The following RAB27A variants were observed in gnomAD, a reference collection of about 807,000 sequenced individuals.
RAB27A encodes ras-related protein Rab-27A.
Under a neutral mutation model 20.8 loss-of-function variants are expected in RAB27A, and 17 were observed. The observed-to-expected ratio is 0.82, with a 90% CI of 0.56 to 1.23. The LOEUF (loss-of-function observed/expected upper bound fraction) is 1.23. Ranked by LOEUF, RAB27A falls within the 50% of genes most tolerant of loss-of-function variation. The pLI, the probability that RAB27A is intolerant of heterozygous loss-of-function variation, is 0.00. For synonymous variants in RAB27A, 85 were observed against 92.8 expected, an observed-to-expected ratio of 0.92 and a Z score of 0.48; for missense variants, 277 against 266.7, an observed-to-expected ratio of 1.04 and a Z score of -0.27.
chr15:55,222,311 G>A (rs1170015510), intron 6 of RAB27A, among the ~76,000 whole-genome samples: 1 of 152,016 alleles, frequency 6.6e-6, no homozygotes, highest in Admixed American at 6.6e-5. Flanking sequence ...TCCTTCAGCT[G>A]AGCTAGCCTT....
At position 55,203,767 on chromosome 15, in the gene RAB27A, C is replaced by T. The variant is rs1882466630; in HGVS notation, c.*1740G>A. 6.6e-6 allele frequency: 1 copy of T among 151,858 alleles called. No individual in the cohort carries two copies. Among genetic ancestry groups the T allele is most frequent in the African/African-American group, 2.4e-5 (1 of 41,332 alleles). The allele number at this position is 151,858 out of a possible 1,614,324, so 9.4% of individuals were successfully genotyped here. On this transcript the variant is annotated 3_prime_UTR_variant, in exon 7 of 7. Coordinates refer to ENST00000336787, the MANE Select transcript of RAB27A (RefSeq NM_183235.3). ...TAAATCTTTTCCTCACTAGCATATA[C>T]AATTCAAATGCACAGGCCTCCATGA...
intron 5 of RAB27A, among the ~76,000 whole-genome samples, chr15:55,225,112 A>G (rs2140962168): frequency 6.6e-6 from 1 of 152,292 alleles, no homozygotes; most frequent in Non-Finnish European, 1.5e-5. Context: ...TTCCCACATC[A>G]CTGAATACTT....
intron 6 of RAB27A, among the ~76,000 whole-genome samples, chr15:55,218,742 C>CTT (rs565996048): frequency 0.12 from 16,490 of 135,774 alleles, 1,236 homozygotes; most frequent in Admixed American, 0.2. Context: ...AGTTCACATT[C>CTT]TTTTTTTTTT....
At chr15:55,212,488 A>C (rs115205558) in intron 6 of RAB27A, among the ~76,000 whole-genome samples, 1,775 of 152,032 alleles carry the variant, frequency 0.012, 39 homozygotes, top group African/African-American at 0.041. Flanking sequence ...ACACTTGAAG[A>C]CATTCTGAAT....
At chr15:55,282,148 T>C (rs1471600221) in intron 1 of RAB27A, among the ~76,000 whole-genome samples, 1 of 152,246 alleles carries the variant, frequency 6.6e-6, no homozygotes, top group African/African-American at 2.4e-5. Flanking sequence ...GAAGAGACTC[T>C]GGGTGTTAGC....
intron 2 of RAB27A, among the ~76,000 whole-genome samples, chr15:55,312,881 C>G (rs919091802): frequency 2.0e-5 from 3 of 152,116 alleles, no homozygotes; most frequent in African/African-American, 7.2e-5. Flanking sequence ...TGCTCTAAGA[C>G]AAAATATGAG....
At chr15:55,274,794 T>TTATA (rs371945954) in intron 1 of RAB27A, among the ~76,000 whole-genome samples, 1,223 of 52,104 alleles carry the variant, frequency 0.023, 72 homozygotes, top group African/African-American at 0.059. Context: ...AATAAATAAA[T>TTATA]TATATATATA....
In RAB27A at chr15:55,205,678, G is replaced by A; in HGVS notation, c.495C>T (p.Ala165=). ...TTGCTTGGCTTATGTTTGTCCCATT[G>A]GCAGCACTAGTTTCAAAGTAGGGGA... The part of the protein sequence containing the change: ...YGIPYFETSA[A]NGTNISQAIE... Residue 165 remains alanine (A), a synonymous_variant, in exon 7 of 7, where the codon GCC becomes GCT. Transcript: ENST00000336787. The A allele has an allele frequency of 6.2e-7, 1 of 1,613,966 alleles. No individual in the cohort carries two copies. Among genetic ancestry groups the A allele is most frequent in the East Asian group, 2.2e-5 (1 of 44,868 alleles).
At chr15:55,226,805 T>G (rs1306564049) in intron 5 of RAB27A, among the ~76,000 whole-genome samples, 1 of 150,028 alleles carries the variant, frequency 6.7e-6, no homozygotes, top group Non-Finnish European at 1.5e-5. Flanking sequence ...GAGGCAGAGG[T>G]TGCAGTGAGC....
intron 3 of RAB27A, among the ~76,000 whole-genome samples, 189 bp from the exon 4 acceptor site, chr15:55,230,675 T>C (rs534188817): frequency 2.0e-5 from 3 of 152,194 alleles, no homozygotes; most frequent in South Asian, 4.1e-4. Flanking sequence ...TATTGAAATA[T>C]ATACATATAT....
intron 2 of RAB27A, among the ~76,000 whole-genome samples, chr15:55,235,688 T>C (rs189237136): frequency 5.9e-5 from 9 of 152,046 alleles, no homozygotes; most frequent in Admixed American, 4.6e-4. Context: ...TTTTTCAAAG[T>C]CTCCTAGTGC....
At chr15:55,291,497 C>G (rs535440137), upstream of RAB27A, among the ~76,000 whole-genome samples, 9 of 123,578 alleles carry the variant, frequency 7.3e-5, no homozygotes, top group African/African-American at 2.9e-4. Flanking sequence ...GGCGACCGAG[C>G]GAGACTCTGT....
At chr15:55,263,305 T>G (rs1276378624) in intron 2 of RAB27A, among the ~76,000 whole-genome samples, 1 of 152,154 alleles carries the variant, frequency 6.6e-6, no homozygotes, top group East Asian at 1.9e-4. Flanking sequence ...GCCAGGTCCT[T>G]GAGGTGACCT....
intron 2 of RAB27A, among the ~76,000 whole-genome samples, chr15:55,296,928 C>A (rs2054951851): frequency 6.6e-6 from 1 of 152,060 alleles, no homozygotes; most frequent in African/African-American, 2.4e-5. Context: ...GGGCCCATAT[C>A]CCAGGGCACT....
intron 2 of RAB27A, among the ~76,000 whole-genome samples, chr15:55,304,992 G>A (rs1231689798): frequency 6.6e-6 from 1 of 152,188 alleles, no homozygotes; most frequent in African/African-American, 2.4e-5. Context: ...CCCAATCATT[G>A]TCCTTCCCAC....
At chr15:55,257,224 T>C (rs970357294) in intron 2 of RAB27A, among the ~76,000 whole-genome samples, 10 of 152,126 alleles carry the variant, frequency 6.6e-5, no homozygotes, top group Non-Finnish European at 4.4e-5. Flanking sequence ...TGAGATTGGA[T>C]CGGGGCAGGT....
chr15:55,235,914 G>GA (rs1177349970), intron 2 of RAB27A, among the ~76,000 whole-genome samples: 7 of 152,146 alleles, frequency 4.6e-5, no homozygotes, highest in African/African-American at 1.7e-4. Context: ...GTCAGGAATG[G>GA]AAAACCAAAC....
chr15:55,256,240 T>C (rs1254730882), intron 2 of RAB27A, among the ~76,000 whole-genome samples: 4 of 151,800 alleles, frequency 2.6e-5, no homozygotes, highest in Non-Finnish European at 5.9e-5. Flanking sequence ...CATAATGAGA[T>C]GCTGTTGTAC....
chr15:55,272,537 T>A (rs1049474561), intron 1 of RAB27A, among the ~76,000 whole-genome samples: 2 of 152,262 alleles, frequency 1.3e-5, no homozygotes, highest in African/African-American at 4.8e-5. Flanking sequence ...AGTAAAATTA[T>A]GACAATACCA....
Sources: gnomAD v4.1 joint callset for allele counts (sites outside exome capture counted in the v4.1 genomes callset) on GRCh38, gnomAD v4.1.1 for gene constraint, MANE v1.5 for transcripts, NCBI Gene and HGNC (gene_info 2026-07-23, HGNC 2026-07-21) for gene names.